The following MAN1A2 variants were observed in gnomAD, a reference collection of about 807,000 sequenced individuals.
MAN1A2 encodes the protein mannosidase alpha class 1A member 2.
In MAN1A2, 26 loss-of-function variants were observed where a neutral mutation model predicts 75.7. The ratio of observed to expected loss-of-function variants is 0.34; its 90% CI spans 0.25 to 0.48. MAN1A2 has a LOEUF of 0.48. Ranked by LOEUF, MAN1A2 falls within the 20% of genes least tolerant of loss-of-function variation. The probability of loss-of-function intolerance (pLI) is 0.99; values close to 1 mark genes in which losing one functional copy is unlikely to be tolerated. For missense variants in MAN1A2, 562 were observed against 775.5 expected (o/e 0.72, Z 3.27); for synonymous variants, 247 against 264.6 (o/e 0.93, Z 0.65).
intron 12 of MAN1A2, among the ~76,000 whole-genome samples, chr1:117,519,725 T>A (rs1651816192): frequency 6.6e-6 from 1 of 151,962 alleles, no homozygotes; most frequent in African/African-American, 2.4e-5. Context: ...AACAGACGGA[T>A]TCACAGCAGA....
At chr1:117,500,347 A>G (rs893544243) in intron 11 of MAN1A2, among the ~76,000 whole-genome samples, 4 of 151,926 alleles carry the variant, frequency 2.6e-5, no homozygotes, top group Non-Finnish European at 5.9e-5. Context: ...TTGCTTATCC[A>G]AAAAGCCCTT....
intron 1 of MAN1A2, among the ~76,000 whole-genome samples, chr1:117,391,879 A>G (rs1218960293): frequency 2.6e-5 from 4 of 152,108 alleles, no homozygotes; most frequent in Admixed American, 2.0e-4. Flanking sequence ...TGAAAAATCT[A>G]TTATTGTTAA....
At chr1:117,440,796 A>T (rs1275531123) in intron 5 of MAN1A2, among the ~76,000 whole-genome samples, 1 of 152,122 alleles carries the variant, frequency 6.6e-6, no homozygotes, top group East Asian at 1.9e-4. Context: ...TGTGTGATTA[A>T]CAAAGATATA....
chr1:117,417,039 C>T (rs1648014881), intron 4 of MAN1A2, among the ~76,000 whole-genome samples: 1 of 152,136 alleles, frequency 6.6e-6, no homozygotes, highest in African/African-American at 2.4e-5. Context: ...ACTCTTCTTC[C>T]TCCAGTCTTG....
intron 11 of MAN1A2, among the ~76,000 whole-genome samples, chr1:117,500,159 T>C (rs539382646): frequency 6.6e-6 from 1 of 151,866 alleles, no homozygotes; most frequent in Admixed American, 6.6e-5. Context: ...AGTGGCAAAG[T>C]GGGAGAGAAG....
At chr1:117,515,051 A>G in intron 12 of MAN1A2, 1 of 307,560 alleles carries the variant, frequency 3.3e-6, no homozygotes, top group Non-Finnish European at 6.6e-6. Flanking sequence ...AATAGCTTGG[A>G]GTCTGGTTTA....
chr1:117,476,516 T>C (rs1650319075), intron 8 of MAN1A2, among the ~76,000 whole-genome samples: 1 of 152,094 alleles, frequency 6.6e-6, no homozygotes, highest in Admixed American at 6.6e-5. Flanking sequence ...CTTTAATCCA[T>C]CTTGAGTTAA....
chr1:117,432,883 A>C (rs1458463487), intron 5 of MAN1A2, among the ~76,000 whole-genome samples: 1 of 148,756 alleles, frequency 6.7e-6, no homozygotes, highest in African/African-American at 2.4e-5. Flanking sequence ...AATATAAAAG[A>C]TATATATATT....
At chr1:117,452,681 A>G (rs1043317311) in intron 6 of MAN1A2, among the ~76,000 whole-genome samples, 1 of 152,266 alleles carries the variant, frequency 6.6e-6, no homozygotes, top group Non-Finnish European at 1.5e-5. Context: ...GAGGTTGGTT[A>G]TAAAGTTTAA....
intron 12 of MAN1A2, among the ~76,000 whole-genome samples, chr1:117,505,507 T>C (rs1271397655): frequency 6.6e-6 from 1 of 151,148 alleles, no homozygotes; most frequent in African/African-American, 2.4e-5. Context: ...ATATATTTGC[T>C]ACAATTTTTG....
intron 5 of MAN1A2, among the ~76,000 whole-genome samples, chr1:117,424,980 T>A (rs9727433): frequency 0.77 from 116,645 of 151,888 alleles, 45,009 homozygotes; most frequent in African/African-American, 0.82. Flanking sequence ...TTTATGTAAG[T>A]GATATATGGA....
chr1:117,417,273 T>C (rs1648023612), intron 4 of MAN1A2, among the ~76,000 whole-genome samples: 1 of 151,966 alleles, frequency 6.6e-6, no homozygotes, highest in South Asian at 2.1e-4. Context: ...ATATATAGTA[T>C]GTATTTGGGT....
At chr1:117,515,457 G>A (rs1441831175) in intron 12 of MAN1A2, 2 of 152,060 alleles carry the variant, frequency 1.3e-5, no homozygotes, top group Non-Finnish European at 2.9e-5. Context: ...GGGAATTTTG[G>A]TGCAGGCCAG....
At position 117,504,237 on chromosome 1, in the gene MAN1A2, C is replaced by T. The variant is rs182632292; in HGVS notation, c.1793+1267C>T. ...GCTACATCTAGCTGAATGAACATGTCAAAATAAAATTTTTTGCTTTTGGTT... is the reference window on the plus strand; with the variant it reads ...GCTACATCTAGCTGAATGAACATGTTAAAATAAAATTTTTTGCTTTTGGTT... On this transcript the variant is annotated intron_variant, in intron 12 of 12. Transcript: ENST00000356554. Among the ~76,000 whole-genome samples, 5 of 150,342 alleles carry T rather than the reference C, an allele frequency of 3.3e-5. No homozygotes were observed. In the East Asian group the frequency reaches 9.8e-4, roughly 29 times the overall value.
chr1:117,525,984 T>A lies in MAN1A2; in HGVS notation c.*3027T>A, dbSNP rs779921296. 1 of 151,756 alleles carries A rather than the reference T, an allele frequency of 6.6e-6. No individual in the cohort carries two copies. 9.4% of individuals were successfully genotyped at this position (151,756 alleles called of 1,614,324 possible). A position where few individuals can be genotyped will look rare whatever the true frequency, so the allele number is the denominator to read the frequency against. On this transcript the variant is annotated 3_prime_UTR_variant, in exon 13 of 13. Coordinates refer to ENST00000356554, the MANE Select transcript of MAN1A2 (RefSeq NM_006699.5). ...TTTTATGGAGTATTGACCCTGATCC[T>A]CTATGATGTCATATAGAGCAACTCA... is the stretch of plus-strand genomic sequence containing the variant.
chr1:117,368,890 G>T (rs1487216607), intron 1 of MAN1A2, among the ~76,000 whole-genome samples: 4 of 152,088 alleles, frequency 2.6e-5, no homozygotes, highest in Non-Finnish European at 2.9e-5. Flanking sequence ...TCAAAGCATC[G>T]AACCTTGACA....
intron 12 of MAN1A2, among the ~76,000 whole-genome samples, chr1:117,512,492 TG>T (rs1265398448): frequency 6.6e-6 from 1 of 151,994 alleles, no homozygotes; most frequent in African/African-American, 2.4e-5. Context: ...GCTGCTGGTC[TG>T]GGGGAATCAC....
chr1:117,422,856 T>C (rs1648241769), intron 5 of MAN1A2, among the ~76,000 whole-genome samples: 1 of 152,170 alleles, frequency 6.6e-6, no homozygotes, highest in South Asian at 2.1e-4. Flanking sequence ...TCTCTATCTG[T>C]GGCTTGTCTT....
chr1:117,508,894 T>G (rs1032659384), intron 12 of MAN1A2, among the ~76,000 whole-genome samples: 1 of 151,702 alleles, frequency 6.6e-6, no homozygotes, highest in African/African-American at 2.4e-5. Flanking sequence ...TCTCTGTAAA[T>G]ATTTAAAAAC....
Sources: allele counts gnomAD v4.1 joint callset (sites outside exome capture counted in the v4.1 genomes callset), GRCh38; gene constraint gnomAD v4.1.1; transcripts MANE v1.5; gene names NCBI Gene and HGNC (gene_info 2026-07-23, HGNC 2026-07-21).